Variants in RPTOR observed in about 807,000 individuals in gnomAD.
The protein encoded by RPTOR is regulatory associated protein of MTOR complex 1.
A neutral mutation model predicts 169.9 loss-of-function variants in RPTOR; 21 were observed. The ratio of observed to expected loss-of-function variants is 0.12; its 90% confidence interval spans 0.09 to 0.18. The LOEUF (loss-of-function observed/expected upper bound fraction) is 0.18, where lower values mean the gene tolerates loss of function less well. Among genes scored for constraint, RPTOR ranks in the 10% least tolerant of loss-of-function variants. RPTOR has a pLI of 1.00. For missense variants in RPTOR, 1,133 were observed against 1,855.9 expected, an observed-to-expected ratio of 0.61 and a Z score of 7.16; for synonymous variants, 732 against 753.2, an observed-to-expected ratio of 0.97 and a Z score of 0.46.
chr17:80,755,738 CAAAAAAA>C (rs77078803), intron 6 of RPTOR, among the ~76,000 whole-genome samples: 5 of 80,248 alleles, frequency 6.2e-5, no homozygotes, highest in African/African-American at 2.1e-4. Context: ...GACCCTGTCT[CAAAAAAA>C]AAAAAAAAAA....
intron 21 of RPTOR, among the ~76,000 whole-genome samples, chr17:80,915,804 C>G (rs11872019): frequency 7.5e-6 from 1 of 133,592 alleles, no homozygotes. Context: ...GCTGAGCAGA[C>G]GTCGGGAAAA....
At chr17:80,782,606 G>A (rs986202100) in intron 6 of RPTOR, among the ~76,000 whole-genome samples, 2 of 152,134 alleles carry the variant, frequency 1.3e-5, no homozygotes, top group Non-Finnish European at 2.9e-5. Context: ...AGCCCCAGCC[G>A]TTGCCCCATA....
intron 20 of RPTOR, among the ~76,000 whole-genome samples, chr17:80,896,302 T>G (rs1044353272): frequency 6.9e-6 from 1 of 145,916 alleles, no homozygotes; most frequent in African/African-American, 2.6e-5. Flanking sequence ...AGGGTCTGAG[T>G]GGGGGCTCCA....
chr17:80,712,113 T>G (rs2066199129), intron 4 of RPTOR, among the ~76,000 whole-genome samples: 2 of 152,164 alleles, frequency 1.3e-5, no homozygotes. Flanking sequence ...ATTGAGCAAG[T>G]TTATTGAGTT....
At chr17:80,922,940 T>C (rs547076806) in intron 22 of RPTOR, 113 bp downstream of exon 22, 1 of 861,704 alleles carries the variant, frequency 1.2e-6, no homozygotes, top group East Asian at 2.7e-5. Flanking sequence ...TGTCTTGGCT[T>C]CGTCTCCTCC....
rs143184434 is a variant in RPTOR, at chr17:80,901,783, C to A, written c.2402-7028C>A. 3.0e-3 allele frequency among the ~76,000 whole-genome samples: 455 copies of A among 152,228 alleles called. 4 individuals are homozygous for A. The highest frequency in any genetic ancestry group is 0.011 in the African/African-American group (440 of 41,514). ...CCAGAAGCCCTGCCCCAGCGCCTCC[C>A]CATCTTTCCTGGCCCCCCAGAAGCC... On this transcript the variant is annotated intron_variant, in intron 20 of 33. Coordinates refer to ENST00000306801, the MANE Select transcript of RPTOR (RefSeq NM_020761.3).
intron 3 of RPTOR, among the ~76,000 whole-genome samples, chr17:80,694,203 C>G (rs939722427): frequency 1.3e-5 from 2 of 152,210 alleles, no homozygotes; most frequent in African/African-American, 4.8e-5. Context: ...GGGGAGGCGA[C>G]AGGTCGAGGC....
chr17:80,777,184 C>T (rs1202114381), intron 6 of RPTOR, among the ~76,000 whole-genome samples: 3 of 151,144 alleles, frequency 2.0e-5, no homozygotes, highest in Non-Finnish European at 4.4e-5. Context: ...TTGCAGTGAA[C>T]CAAGATGGCA....
At chr17:80,643,354 A>G (rs987471504) in intron 2 of RPTOR, among the ~76,000 whole-genome samples, 4 of 152,226 alleles carry the variant, frequency 2.6e-5, no homozygotes, top group Admixed American at 1.3e-4. Flanking sequence ...CATGAGAGCC[A>G]TAGTTTGAAC....
At chr17:80,780,271 C>A (rs866596291) in intron 6 of RPTOR, among the ~76,000 whole-genome samples, 1 of 152,118 alleles carries the variant, frequency 6.6e-6, no homozygotes, top group Non-Finnish European at 1.5e-5. Context: ...ACGTCAGCTT[C>A]CCTAAGTACA....
At chr17:80,547,051 A>G (rs2084285305) in intron 1 of RPTOR, among the ~76,000 whole-genome samples, 1 of 152,190 alleles carries the variant, frequency 6.6e-6, no homozygotes, top group Admixed American at 6.5e-5. Flanking sequence ...CCTAGGGGAC[A>G]GAGTGAGACT....
At chr17:80,601,419 G>A (rs114575027) in intron 1 of RPTOR, among the ~76,000 whole-genome samples, 2,817 of 78,916 alleles carry the variant, frequency 0.036, 87 homozygotes, top group African/African-American at 0.13. Flanking sequence ...TCAGGGGCAC[G>A]CAGGTTCCGT....
At position 80,552,014 on chromosome 17, in the gene RPTOR, C is replaced by T. The variant is rs189152472; in HGVS notation, c.162+6223C>T. Reference sequence around the variant, plus strand: ...AATCCATTTAACCCTGAGTTTGACACAGCACATGTTTCAGAGAGCACGGGG... The same window carrying T: ...AATCCATTTAACCCTGAGTTTGACATAGCACATGTTTCAGAGAGCACGGGG... On this transcript the variant is annotated intron_variant, in intron 1 of 33. Transcript: ENST00000306801. 9.7e-3 allele frequency among the ~76,000 whole-genome samples: 1,482 copies of T among 152,278 alleles called. 10 individuals are homozygous for T. Among genetic ancestry groups the T allele is most frequent in the Non-Finnish European group, 0.015 (987 of 68,030 alleles).
intron 13 of RPTOR, among the ~76,000 whole-genome samples, chr17:80,866,036 A>G (rs997668002): frequency 6.6e-6 from 1 of 152,120 alleles, no homozygotes; most frequent in African/African-American, 2.4e-5. Flanking sequence ...TTTTCATTTC[A>G]TTCCATAAAA....
intron 6 of RPTOR, among the ~76,000 whole-genome samples, chr17:80,761,402 A>G (rs8080789): frequency 0.81 from 122,555 of 152,158 alleles, 51,111 homozygotes; most frequent in East Asian, 1. Context: ...TTCCAGGACT[A>G]TAAATGTTAA....
At chr17:80,769,301 G>T (rs2066818515) in intron 6 of RPTOR, among the ~76,000 whole-genome samples, 2 of 152,226 alleles carry the variant, frequency 1.3e-5, no homozygotes, top group Non-Finnish European at 1.5e-5. Flanking sequence ...CTAAGTAAAT[G>T]TTGTATATGT....
In RPTOR at chr17:80,820,182, G is replaced by A. The variant is rs1462415772; in HGVS notation, c.891-2019G>A. 6.6e-6 allele frequency among the ~76,000 whole-genome samples: 1 copy of A among 152,224 alleles called. No homozygotes were observed. The highest frequency in any genetic ancestry group is 2.4e-5 in the African/African-American group (1 of 41,450). ...TCGGCGTGTGGTCTGGGCGCTGTCT[G>A]TCCTCTGCATGGCTTTGGTAAGGAG... On this transcript the variant is annotated intron_variant, in intron 7 of 33. Transcript: ENST00000306801. The surrounding 1 kb of genome is among the most constrained non-coding windows in gnomAD (Gnocchi z 4.1).
intron 7 of RPTOR, among the ~76,000 whole-genome samples, chr17:80,812,493 G>T (rs1237248409): frequency 2.0e-5 from 3 of 152,100 alleles, no homozygotes; most frequent in Non-Finnish European, 2.9e-5. Context: ...AGTTTCCCCA[G>T]ATCTGCTTCT....
At chr17:80,813,130 A>G (rs1487599846) in intron 7 of RPTOR, among the ~76,000 whole-genome samples, 1 of 152,208 alleles carries the variant, frequency 6.6e-6, no homozygotes, top group African/African-American at 2.4e-5. Flanking sequence ...GGTTTTATGC[A>G]CGCTAAAATG....
Sources: allele counts gnomAD v4.1 joint callset (sites outside exome capture counted in the v4.1 genomes callset), GRCh38; gene constraint gnomAD v4.1.1; non-coding constraint Gnocchi (gnomAD v3.1); transcripts MANE v1.5; gene names NCBI Gene and HGNC (gene_info 2026-07-23, HGNC 2026-07-21).